Variants in OPHN1 observed in about 807,000 individuals in gnomAD.
OPHN1 encodes the protein oligophrenin-1.
A neutral mutation model predicts 60.7 loss-of-function variants in OPHN1; 11 were observed. The ratio of observed to expected loss-of-function variants is 0.18; its 90% confidence interval spans 0.11 to 0.30. The LOEUF is 0.30. OPHN1 is among the 10% of genes least tolerant of loss of function. The pLI is 1.00. For synonymous variants in OPHN1, 226 were observed against 222.6 expected (o/e 1.02, Z -0.14); for missense variants, 449 against 611.0 (o/e 0.73, Z 2.80).
intron 22 of OPHN1, 29 bp downstream of exon 22, chrX:68,053,616 A>G: frequency 8.3e-7 from 1 of 1,204,085 alleles, no homozygotes; most frequent in Non-Finnish European, 1.1e-6. Context: ...ACAGGACTTC[A>G]GTCAACTTTG....
intron 5 of OPHN1, among the ~76,000 whole-genome samples, chrX:68,248,102 G>T (rs775730751): frequency 3.2e-4 from 35 of 111,044 alleles, no homozygotes; most frequent in Non-Finnish European, 5.8e-4. Context: ...ACACTGAGGA[G>T]ATAGATAAAA....
intron 5 of OPHN1, among the ~76,000 whole-genome samples, chrX:68,241,876 G>A (rs996309937): frequency 1.8e-5 from 2 of 111,156 alleles, no homozygotes; most frequent in Admixed American, 9.6e-5. Context: ...AGCCGAGATC[G>A]CGTCATTGCA....
intron 3 of OPHN1, among the ~76,000 whole-genome samples, chrX:68,289,060 C>T: frequency 9.0e-6 from 1 of 110,845 alleles, no homozygotes; most frequent in East Asian, 2.9e-4. Context: ...TCCTTTTGCC[C>T]TCTCTTCAGA....
chrX:68,276,815 G>C (rs962810657), intron 4 of OPHN1, among the ~76,000 whole-genome samples: 5 of 110,859 alleles, frequency 4.5e-5, no homozygotes, highest in Non-Finnish European at 7.5e-5. Flanking sequence ...CTCCCACTAG[G>C]AGCCTTGAGA....
At chrX:68,153,950 G>C (rs1371646378) in intron 15 of OPHN1, among the ~76,000 whole-genome samples, 1 of 111,583 alleles carries the variant, frequency 9.0e-6, no homozygotes, top group Non-Finnish European at 1.9e-5. Context: ...TATGTATACA[G>C]GTTATAGATC....
chrX:68,288,511 C>T (rs893961565), intron 3 of OPHN1, among the ~76,000 whole-genome samples: 10 of 111,836 alleles, frequency 8.9e-5, no homozygotes, highest in African/African-American at 3.2e-4. Flanking sequence ...ACCTGTAATC[C>T]CAGCACTTTG....
intron 20 of OPHN1, among the ~76,000 whole-genome samples, chrX:68,065,160 C>T (rs1281743351): frequency 5.4e-5 from 6 of 110,977 alleles, no homozygotes; most frequent in Admixed American, 1.9e-4. Context: ...AAAAAAAGAA[C>T]AGAGGTTCCG....
At chrX:68,294,020 A>G (rs7053742) in intron 3 of OPHN1, among the ~76,000 whole-genome samples, 37,563 of 110,803 alleles carry the variant, frequency 0.34, 8,175 homozygotes, top group African/African-American at 0.82. Context: ...ACATTGTGTT[A>G]CCATTGCCTA....
intron 20 of OPHN1, chrX:68,071,827 C>A: frequency 2.7e-6 from 1 of 365,397 alleles, no homozygotes; most frequent in South Asian, 4.4e-5. Context: ...CTGATGTGTG[C>A]TTGGGAAGCT....
At chrX:68,287,252 A>T (rs1355461052) in intron 3 of OPHN1, among the ~76,000 whole-genome samples, 1 of 97,956 alleles carries the variant, frequency 1.0e-5, no homozygotes, top group Non-Finnish European at 2.1e-5. Context: ...AGGGAAGGGA[A>T]GGGAGAAAAG....
intron 13 of OPHN1, among the ~76,000 whole-genome samples, 197 bp downstream of exon 13, chrX:68,194,268 T>C (rs759930540): frequency 8.9e-6 from 1 of 112,606 alleles, no homozygotes; most frequent in South Asian, 3.7e-4. Context: ...CTACCCACGA[T>C]GTAAGCTAAC....
chrX:68,381,792 ATCTC>A (rs1293145454), intron 2 of OPHN1, among the ~76,000 whole-genome samples: 10 of 109,840 alleles, frequency 9.1e-5, no homozygotes, highest in Non-Finnish European at 1.9e-4. Flanking sequence ...GATAGGGCCA[ATCTC>A]TCTCTCTCTT....
At chrX:68,125,930 A>AATATAT (rs59058075) in intron 15 of OPHN1, among the ~76,000 whole-genome samples, 1,924 of 22,210 alleles carry the variant, frequency 0.087, 192 homozygotes, top group African/African-American at 0.16. Context: ...ACCACTGATC[A>AATATAT]ATATATATAT....
intron 2 of OPHN1, among the ~76,000 whole-genome samples, chrX:68,359,486 G>A (rs2078459166): frequency 9.0e-6 from 1 of 110,949 alleles, no homozygotes; most frequent in African/African-American, 3.3e-5. Context: ...AGTTTATAGA[G>A]AGACCCAAGA....
chrX:68,172,352 C>A (rs2077395425), intron 15 of OPHN1, among the ~76,000 whole-genome samples: 1 of 111,697 alleles, frequency 9.0e-6, no homozygotes, highest in African/African-American at 3.3e-5. Context: ...AAGGTGAACA[C>A]AAGATACCAC....
At chrX:68,372,913 T>C (rs1486173755) in intron 2 of OPHN1, among the ~76,000 whole-genome samples, 1 of 110,637 alleles carries the variant, frequency 9.0e-6, no homozygotes, top group Admixed American at 9.6e-5. Context: ...AAAGAGGAAG[T>C]TTAAGAAAAA....
intron 4 of OPHN1, among the ~76,000 whole-genome samples, chrX:68,277,018 C>T (rs899887851): frequency 4.5e-5 from 5 of 111,473 alleles, no homozygotes; most frequent in Admixed American, 9.5e-5. Context: ...GCAGAAGAAT[C>T]GCCCAGCTGA....
chrX:68,396,545 T>A (rs965186443), intron 2 of OPHN1, among the ~76,000 whole-genome samples: 2 of 110,747 alleles, frequency 1.8e-5, no homozygotes, highest in Non-Finnish European at 3.8e-5. Context: ...CCAGGCGCTG[T>A]GGCTCACGCC....
chrX:68,426,314 G>A (rs900631252), intron 2 of OPHN1, among the ~76,000 whole-genome samples: 67 of 107,524 alleles, frequency 6.2e-4, no homozygotes, highest in African/African-American at 2.2e-3. Flanking sequence ...GGTAGCGCAC[G>A]CCTGTAATTC....
Sources: gnomAD v4.1 joint callset for allele counts (sites outside exome capture counted in the v4.1 genomes callset) on GRCh38, gnomAD v4.1.1 for gene constraint, MANE v1.5 for transcripts, NCBI Gene and HGNC (gene_info 2026-07-23, HGNC 2026-07-21) for gene names.